The following KALRN variants were observed in gnomAD, a reference collection of about 807,000 sequenced individuals.
KALRN encodes kalirin.
Under a neutral mutation model 353.7 loss-of-function variants are expected in KALRN, and 70 were observed. The ratio of observed to expected loss-of-function variants is 0.20; its 90% confidence interval spans 0.16 to 0.24. KALRN has a LOEUF of 0.24. KALRN is among the 10% of genes least tolerant of loss of function. The probability of loss-of-function intolerance (pLI) is 1.00; values close to 1 mark genes in which losing one functional copy is unlikely to be tolerated. For missense variants in KALRN, 2,791 were observed against 3,756.7 expected (o/e 0.74, Z 6.72); for synonymous variants, 1,391 against 1,434.8 (o/e 0.97, Z 0.69).
At position 124,456,747 on chromosome 3, in the gene KALRN, C is replaced by A; in HGVS notation, c.3854+19C>A. 1.3e-6 allele frequency: 2 copies of A among 1,571,110 alleles called. No homozygotes were observed. Among genetic ancestry groups the A allele is most frequent in the Non-Finnish European group, 8.7e-7 (1 of 1,143,582 alleles). On this transcript the variant is annotated intron_variant, in intron 23 of 59. Transcript: ENST00000682506. ...AGAAAGAGTACGTGTTGGCTTCCGCCCAGCTAGCTGGCTCCCCGTGACTAT... is the reference window on the plus strand; with the variant it reads ...AGAAAGAGTACGTGTTGGCTTCCGCACAGCTAGCTGGCTCCCCGTGACTAT...
Position 124,375,313 on chromosome 3 carries a change from A to G in KALRN, c.1771-9532A>G, listed in dbSNP as rs1037077979. ...ATTTTGGTCTCCTAATTGCTCAGCT[A>G]TCTTTGCTGTCTATTGTTCCCTCTG... On this transcript the variant is annotated intron_variant, in intron 10 of 59. Transcript: ENST00000682506. Among the ~76,000 whole-genome samples the G allele has an allele frequency of 6.6e-5, 10 of 152,106 alleles. No individual in the cohort carries two copies. In the East Asian group the frequency reaches 1.2e-3, roughly 18 times the overall value.
chr3:124,061,161 A>G (rs561567405), intron 1 of KALRN, among the ~76,000 whole-genome samples: 1 of 152,266 alleles, frequency 6.6e-6, no homozygotes, highest in East Asian at 1.9e-4. Flanking sequence ...GGGGAATTCT[A>G]CCTTGTGACT....
At position 124,626,768 on chromosome 3, in the gene KALRN, C is replaced by T. The variant is rs1247995253; in HGVS notation, c.5183-5652C>T. Among the ~76,000 whole-genome samples, 6 of 152,194 alleles carry T rather than the reference C, an allele frequency of 3.9e-5. 1 individual carries two copies. The South Asian group carries it at 1.2e-3, about 32-fold the overall frequency. ...ATATAAACCTTTAAGCAACTTGATG[C>T]TCCCTTCTATAATAATGGTAAAGAT... On this transcript the variant is annotated intron_variant, in intron 34 of 59. Coordinates refer to ENST00000682506, the MANE Select transcript of KALRN (RefSeq NM_001388419.1).
At chr3:124,604,801 C>T (rs187155779) in intron 34 of KALRN, among the ~76,000 whole-genome samples, 31 of 151,924 alleles carry the variant, frequency 2.0e-4, no homozygotes, top group African/African-American at 7.5e-4. Context: ...ATCCTCTTGT[C>T]TCAGCCTCCT....
chr3:124,685,359 A>G (rs1353345379), intron 51 of KALRN, among the ~76,000 whole-genome samples: 1 of 152,014 alleles, frequency 6.6e-6, no homozygotes, highest in Non-Finnish European at 1.5e-5. Context: ...GCAGATTCAC[A>G]TCTATTATGC....
intron 1 of KALRN, among the ~76,000 whole-genome samples, chr3:124,161,948 G>A (rs2070033020): frequency 6.6e-6 from 1 of 152,200 alleles, no homozygotes; most frequent in South Asian, 2.1e-4. Context: ...ACAAAATAAA[G>A]TACTTACAGT....
chr3:124,286,162 GTCTT>G (rs1368148974), intron 5 of KALRN, among the ~76,000 whole-genome samples: 10 of 121,280 alleles, frequency 8.2e-5, no homozygotes, highest in African/African-American at 2.4e-4. Context: ...CCTTTCTTTC[GTCTT>G]TCTTTCTTTC....
Position 124,719,566 on chromosome 3 carries a change from C to T in KALRN, c.*96C>T, listed in dbSNP as rs908175808. On this transcript the variant is annotated 3_prime_UTR_variant, in exon 60 of 60. Transcript: ENST00000682506. The surrounding 1 kb of genome is among the most constrained non-coding windows in gnomAD (Gnocchi z 5.3). Reference sequence around the variant, plus strand: ...AATAATTCTGTTCATCATTTCACTCCGTGCAGTTCTCTGAATTGAGAGATG... The same window carrying T: ...AATAATTCTGTTCATCATTTCACTCTGTGCAGTTCTCTGAATTGAGAGATG... 9 of 1,184,204 alleles carry T rather than the reference C, an allele frequency of 7.6e-6. No homozygotes were observed. Among genetic ancestry groups the T allele is most frequent in the Admixed American group, 2.5e-5 (1 of 40,296 alleles). 73.4% of individuals were successfully genotyped at this position (1,184,204 alleles called of 1,614,324 possible). A position where few individuals can be genotyped will look rare whatever the true frequency, so the allele number is the denominator to read the frequency against.
At chr3:124,409,076 A>G (rs776644573) in intron 13 of KALRN, among the ~76,000 whole-genome samples, 1 of 152,158 alleles carries the variant, frequency 6.6e-6, no homozygotes, top group African/African-American at 2.4e-5. Context: ...AGAGTAGACA[A>G]TTGTTAGAAT....
chr3:124,661,020 G>A (rs1381697681), intron 44 of KALRN, 47 bp downstream of exon 44: 1 of 1,390,464 alleles, frequency 7.2e-7, no homozygotes, highest in East Asian at 2.3e-5. Context: ...GACCATATTG[G>A]ATATCTTTCT....
chr3:124,499,246 C>T (rs1469713663), intron 33 of KALRN, among the ~76,000 whole-genome samples: 3 of 152,160 alleles, frequency 2.0e-5, no homozygotes, highest in Non-Finnish European at 2.9e-5. Context: ...ATGTGTGTTA[C>T]GTATGCTGTG....
At position 124,571,803 on chromosome 3, in the gene KALRN, T is replaced by A. The variant is rs1051638320; in HGVS notation, c.5182+8714T>A. Among the ~76,000 whole-genome samples, 12 of 151,808 alleles carry A rather than the reference T, an allele frequency of 7.9e-5. 1 individual carries two copies. Among genetic ancestry groups the A allele is most frequent in the Admixed American group, 6.6e-4 (10 of 15,258 alleles). ...CACCATCCCTAGCTAATTTTTGTATTTTTTTGTAGAGATGAGGTTTCGCCA... is the reference window on the plus strand; with the variant it reads ...CACCATCCCTAGCTAATTTTTGTATATTTTTGTAGAGATGAGGTTTCGCCA... On this transcript the variant is annotated intron_variant, in intron 34 of 59. Coordinates refer to ENST00000682506, the MANE Select transcript of KALRN (RefSeq NM_001388419.1).
intron 1 of KALRN, among the ~76,000 whole-genome samples, chr3:124,148,288 C>T (rs1254481120): frequency 2.0e-5 from 3 of 152,102 alleles, no homozygotes; most frequent in African/African-American, 7.2e-5. Context: ...AGAACATGTG[C>T]TTATGGACAG....
intron 11 of KALRN, among the ~76,000 whole-genome samples, chr3:124,393,068 C>A (rs2089691402): frequency 6.6e-6 from 1 of 151,964 alleles, no homozygotes; most frequent in Non-Finnish European, 1.5e-5. Flanking sequence ...TGGGTTCAAG[C>A]AATTCCACTG....
chr3:124,372,334 G>A (rs1266303989), intron 10 of KALRN, among the ~76,000 whole-genome samples: 1 of 152,072 alleles, frequency 6.6e-6, no homozygotes, highest in Non-Finnish European at 1.5e-5. Context: ...CTATCACTGA[G>A]ACATAATCAT....
chr3:124,595,465 T>C (rs2076186326), intron 34 of KALRN, among the ~76,000 whole-genome samples: 1 of 152,224 alleles, frequency 6.6e-6, no homozygotes, highest in Admixed American at 6.5e-5. Context: ...TTTATTAGTA[T>C]ACCACTATAT....
At chr3:124,167,438 C>T (rs576837992) in intron 1 of KALRN, among the ~76,000 whole-genome samples, 4 of 152,166 alleles carry the variant, frequency 2.6e-5, no homozygotes, top group African/African-American at 7.2e-5. Flanking sequence ...AGGTATGACC[C>T]GAGGAGAAAG....
chr3:124,580,741 A>T (rs2074545700), intron 34 of KALRN, among the ~76,000 whole-genome samples: 1 of 152,162 alleles, frequency 6.6e-6, no homozygotes. Context: ...CCTGACACAG[A>T]GTAGGCACTC....
At chr3:124,582,114 G>A (rs1483861615) in intron 34 of KALRN, among the ~76,000 whole-genome samples, 1 of 151,008 alleles carries the variant, frequency 6.6e-6, no homozygotes, top group Non-Finnish European at 1.5e-5. Context: ...TCCGCCTTCC[G>A]GGTTCAAGCA....
Sources: gnomAD v4.1 joint callset for allele counts (sites outside exome capture counted in the v4.1 genomes callset) on GRCh38, gnomAD v4.1.1 for gene constraint, Gnocchi (gnomAD v3.1) non-coding constraint, MANE v1.5 for transcripts, NCBI Gene and HGNC (gene_info 2026-07-23, HGNC 2026-07-21) for gene names.